CDKAL1: variants seen among roughly 807,000 people sequenced by gnomAD.
The protein encoded by CDKAL1 is threonylcarbamoyladenosine tRNA methylthiotransferase.
Under a neutral mutation model 68.2 loss-of-function variants are expected in CDKAL1, and 32 were observed. That is an observed-to-expected ratio of 0.47 (90% CI 0.35 to 0.63). CDKAL1 has a LOEUF of 0.63. Among genes scored for constraint, CDKAL1 ranks in the 30% least tolerant of loss-of-function variants. CDKAL1 has a pLI of 0.00. For synonymous variants in CDKAL1, 234 were observed against 244.3 expected, an observed-to-expected ratio of 0.96 and a Z score of 0.39; for missense variants, 606 against 696.7, an observed-to-expected ratio of 0.87 and a Z score of 1.47.
intron 5 of CDKAL1, among the ~76,000 whole-genome samples, chr6:20,661,265 C>T (rs1394415493): frequency 6.6e-6 from 1 of 152,106 alleles, no homozygotes; most frequent in Non-Finnish European, 1.5e-5. Flanking sequence ...CATCTTATGT[C>T]ACAGTTTTGT....
chr6:20,733,677 G>A (rs79932513), intron 5 of CDKAL1, among the ~76,000 whole-genome samples: 146 of 152,210 alleles, frequency 9.6e-4, no homozygotes, highest in Non-Finnish European at 1.8e-3. Context: ...TTTGAAATAT[G>A]GTATTCATGG....
At chr6:20,747,406 A>G (rs1337380020) in intron 6 of CDKAL1, among the ~76,000 whole-genome samples, 3 of 152,154 alleles carry the variant, frequency 2.0e-5, no homozygotes, top group South Asian at 2.1e-4. Flanking sequence ...AGGAATCTTC[A>G]TACTGTTTTC....
intron 13 of CDKAL1, among the ~76,000 whole-genome samples, chr6:21,115,001 A>G (rs919155280): frequency 3.9e-5 from 6 of 152,312 alleles, no homozygotes; most frequent in Middle Eastern, 6.8e-3. Context: ...TATTTTCTAC[A>G]GCTTTGGGCA....
At chr6:20,677,577 G>C (rs1770177894) in intron 5 of CDKAL1, among the ~76,000 whole-genome samples, 1 of 151,860 alleles carries the variant, frequency 6.6e-6, no homozygotes, top group Non-Finnish European at 1.5e-5. Context: ...CCCCACACCA[G>C]GGTAATTTTT....
chr6:20,917,227 C>T (rs894961628), intron 9 of CDKAL1, among the ~76,000 whole-genome samples: 2 of 152,070 alleles, frequency 1.3e-5, no homozygotes, highest in East Asian at 1.9e-4. Context: ...GTGATCCGCC[C>T]GCCTCGGCCT....
At position 20,649,298 on chromosome 6, in the gene CDKAL1, G is replaced by T; in HGVS notation, c.292G>T (p.Ala98Ser). 2 of 1,603,638 alleles carry T rather than the reference G, an allele frequency of 1.2e-6. No individual in the cohort carries two copies. Among genetic ancestry groups the T allele is most frequent in the Non-Finnish European group, 1.7e-6 (2 of 1,175,196 alleles). Residue 98 changes from alanine to serine, a missense_variant, in exon 5 of 16, where the codon GCA becomes TCA. Coordinates refer to ENST00000274695, the MANE Select transcript of CDKAL1 (RefSeq NM_017774.3). ...TGTGTTCATTTTTTTAATAGAAAAT[G>T]CATCCGATGCAGATTTATGGCTCCT... ...AAYGYKITEN[A>S]SDADLWLLNS...
chr6:21,205,364 G>C (rs1214565059), intron 15 of CDKAL1, among the ~76,000 whole-genome samples: 5 of 152,198 alleles, frequency 3.3e-5, no homozygotes, highest in African/African-American at 1.2e-4. Context: ...TTAATCTTTT[G>C]AGGAGCTGCC....
chr6:20,702,666 T>C (rs1020498345), intron 5 of CDKAL1, among the ~76,000 whole-genome samples: 1 of 152,128 alleles, frequency 6.6e-6, no homozygotes, highest in African/African-American at 2.4e-5. Flanking sequence ...CTGTGTTTTC[T>C]TCGCCGATGT....
chr6:20,681,676 A>T (rs777567961), intron 5 of CDKAL1, among the ~76,000 whole-genome samples: 2 of 152,154 alleles, frequency 1.3e-5, no homozygotes, highest in Non-Finnish European at 2.9e-5. Context: ...AAGTGGTGGC[A>T]GCAGGAAAGC....
chr6:20,784,956 T>C (rs1413807842), intron 8 of CDKAL1, among the ~76,000 whole-genome samples: 8 of 152,182 alleles, frequency 5.3e-5, no homozygotes, highest in Non-Finnish European at 1.0e-4. Context: ...AGCCTTTAGG[T>C]AAAATTTTTT....
chr6:20,594,238 T>C (rs931592316), intron 4 of CDKAL1, among the ~76,000 whole-genome samples: 1 of 152,192 alleles, frequency 6.6e-6, no homozygotes, highest in Non-Finnish European at 1.5e-5. Context: ...CCTTGTTAAT[T>C]TTCTGTCTTG....
chr6:21,231,189 C>T lies in CDKAL1; in HGVS notation c.*150C>T. 3.7e-6 allele frequency: 2 copies of T among 533,790 alleles called. No homozygotes were observed. The highest frequency in any genetic ancestry group is 6.4e-6 in the Non-Finnish European group (2 of 313,058). The allele number at this position is 533,790 out of a possible 1,614,324, so 33.1% of individuals were successfully genotyped here. A position where few individuals can be genotyped will look rare whatever the true frequency, so the allele number is the denominator to read the frequency against. On this transcript the variant is annotated 3_prime_UTR_variant, in exon 16 of 16. Transcript: ENST00000274695. ...CAGCCACTCTTCTTAATGAGGCTCC[C>T]CCTGTCTCACATTGAGTTGGGCCCA... is the stretch of plus-strand genomic sequence containing the variant.
intron 4 of CDKAL1, among the ~76,000 whole-genome samples, chr6:20,596,888 A>G (rs1342288535): frequency 3.9e-5 from 6 of 152,262 alleles, no homozygotes. Context: ...TCCCTTGGCT[A>G]GGGGAGGGAG....
chr6:20,596,403 T>TTGCCGAGCTGTGGTGGGCTC (rs1351612016), intron 4 of CDKAL1, among the ~76,000 whole-genome samples: 22 of 152,204 alleles, frequency 1.4e-4, no homozygotes, highest in Admixed American at 1.4e-3. Context: ...TACAGCGGCT[T>TTGCCGAGCTGTGGTGGGCTC]TGCCGAGCTG....
Position 20,927,745 on chromosome 6 carries a change from A to G in CDKAL1, c.743-27674A>G, listed in dbSNP as rs890066835. On this transcript the variant is annotated intron_variant, in intron 9 of 15. Transcript: ENST00000274695. ...GTAACTAAGAAGTCTGAATCCAGGA[A>G]TAATGTTTTTTTTTCCCCCAAAGTA... 5.9e-5 allele frequency among the ~76,000 whole-genome samples: 9 copies of G among 152,300 alleles called. No homozygotes were observed. The South Asian group carries it at 1.9e-3, about 32-fold the overall frequency.
intron 4 of CDKAL1, among the ~76,000 whole-genome samples, chr6:20,616,653 G>GT (rs1766917360): frequency 6.6e-6 from 1 of 150,840 alleles, no homozygotes; most frequent in South Asian, 2.1e-4. Flanking sequence ...CTTTGCTGAA[G>GT]TTGCTTATCA....
At chr6:20,869,808 T>G (rs558090383) in intron 9 of CDKAL1, among the ~76,000 whole-genome samples, 2 of 152,302 alleles carry the variant, frequency 1.3e-5, no homozygotes, top group South Asian at 4.1e-4. Flanking sequence ...ATCCATAGTA[T>G]ATATTCATAT....
intron 4 of CDKAL1, among the ~76,000 whole-genome samples, chr6:20,577,498 A>G (rs1426396729): frequency 2.0e-5 from 3 of 152,174 alleles, no homozygotes; most frequent in African/African-American, 7.2e-5. Context: ...CCATCTGTTC[A>G]GATGTCTGTC....
intron 9 of CDKAL1, among the ~76,000 whole-genome samples, chr6:20,907,413 G>A (rs1018267663): frequency 6.6e-6 from 1 of 151,648 alleles, no homozygotes; most frequent in African/African-American, 2.4e-5. Context: ...CAGAGACCTT[G>A]TCTCAAAACA....
Sources: gnomAD v4.1 joint callset for allele counts (sites outside exome capture counted in the v4.1 genomes callset) on GRCh38, gnomAD v4.1.1 for gene constraint, MANE v1.5 for transcripts, NCBI Gene and HGNC (gene_info 2026-07-23, HGNC 2026-07-21) for gene names.